The following TNKS variants were observed in gnomAD, a reference collection of about 807,000 sequenced individuals.
The protein encoded by TNKS is poly [ADP-ribose] polymerase tankyrase-1.
Under a neutral mutation model 135.8 loss-of-function variants are expected in TNKS, and 72 were observed. That is an observed-to-expected ratio of 0.53 (90% CI 0.44 to 0.64). The LOEUF (loss-of-function observed/expected upper bound fraction) is 0.64, where lower values mean the gene tolerates loss of function less well. Ranked by LOEUF, TNKS falls within the 30% of genes least tolerant of loss-of-function variation. The pLI is 0.00. For synonymous variants in TNKS, 849 were observed against 649.3 expected (o/e 1.31, Z -4.68); for missense variants, 1,769 against 1,674.0 (o/e 1.06, Z -0.99).
At chr8:9,690,790 A>C (rs1218599180) in intron 5 of TNKS, among the ~76,000 whole-genome samples, 2 of 152,218 alleles carry the variant, frequency 1.3e-5, no homozygotes, top group South Asian at 4.1e-4. Flanking sequence ...TTTAGCTGTT[A>C]AAATGCCTTC....
chr8:9,647,036 A>C (rs1400687889), intron 3 of TNKS, among the ~76,000 whole-genome samples: 1 of 152,178 alleles, frequency 6.6e-6, no homozygotes, highest in Non-Finnish European at 1.5e-5. Flanking sequence ...GCAAAACTCC[A>C]TTTTCTAGCC....
At chr8:9,751,067 A>G (rs555540044) in intron 18 of TNKS, among the ~76,000 whole-genome samples, 1 of 150,626 alleles carries the variant, frequency 6.6e-6, no homozygotes, top group Non-Finnish European at 1.5e-5. Context: ...TTCGGCGGGT[A>G]GGGGGCAGAA....
rs576516934 is a variant in TNKS at position 9,777,196 on chromosome 8, G to GT, written c.*467dup. 0.012 allele frequency: 1,828 copies of GT among 156,012 alleles called. 36 individuals carry two copies. The highest frequency in any genetic ancestry group is 0.041 in the African/African-American group (1,713 of 41,520). The allele number at this position is 156,012 out of a possible 1,614,324, so 9.7% of individuals were successfully genotyped here. Reference sequence around the variant, plus strand: ...ATTGGCTATTGTTTGTTTGTTTTTTGTTTTTTTGTGTTTTTTGGGTTACTT... The same window carrying GT: ...ATTGGCTATTGTTTGTTTGTTTTTTGTTTTTTTTGTGTTTTTTGGGTTACTT... On this transcript the variant is annotated 3_prime_UTR_variant, in exon 27 of 27. Coordinates refer to ENST00000310430, the MANE Select transcript of TNKS (RefSeq NM_003747.3).
chr8:9,767,713 A>G (rs1807543459), intron 25 of TNKS, among the ~76,000 whole-genome samples: 1 of 152,152 alleles, frequency 6.6e-6, no homozygotes, highest in Non-Finnish European at 1.5e-5. Flanking sequence ...TAATCCCAGC[A>G]CTTTGGGAGG....
chr8:9,756,524 G>C (rs1286731402), intron 20 of TNKS, among the ~76,000 whole-genome samples: 2 of 150,920 alleles, frequency 1.3e-5, no homozygotes, highest in African/African-American at 2.4e-5. Flanking sequence ...CTAAGTCAAG[G>C]TTTTAAAAAA....
At chr8:9,713,560 T>C (rs1376723868) in intron 11 of TNKS, among the ~76,000 whole-genome samples, 1 of 152,230 alleles carries the variant, frequency 6.6e-6, no homozygotes, top group Non-Finnish European at 1.5e-5. Flanking sequence ...GTCAATGACT[T>C]AGAAGAACTT....
At chr8:9,643,623 A>C (rs996312937) in intron 3 of TNKS, among the ~76,000 whole-genome samples, 2 of 152,126 alleles carry the variant, frequency 1.3e-5, no homozygotes. Context: ...ATAGAAAATA[A>C]GTATTGGCAA....
chr8:9,752,286 A>G (rs1316842384), intron 19 of TNKS, among the ~76,000 whole-genome samples: 1 of 152,098 alleles, frequency 6.6e-6, no homozygotes, highest in African/African-American at 2.4e-5. Context: ...ATAAATTACA[A>G]TAAGTTATAA....
At position 9,556,550 on chromosome 8, in the gene TNKS, C is replaced by G; in HGVS notation, c.611C>G (p.Ala204Gly). ...DVSRVKRLVD[A>G]ANVNAKDMAG... Reference sequence around the variant, plus strand: ...TCCCGGGTAAAGAGGCTGGTGGACGCGGCAAACGTAAATGCAAAGGACATG... The same window carrying G: ...TCCCGGGTAAAGAGGCTGGTGGACGGGGCAAACGTAAATGCAAAGGACATG... The change falls in exon 1 of 27, where the codon GCG becomes GGG. Residue 204 changes from alanine (A) to glycine (G), a missense_variant. By Grantham distance (60) the Ala-to-Gly change is moderately conservative (BLOSUM62 0). Around this residue, in one of 5 missense-constraint regions of TNKS, gnomAD observed 450 missense variants for 304.9 expected, o/e 1.48. Coordinates refer to ENST00000310430, the MANE Select transcript of TNKS (RefSeq NM_003747.3). 1 of 1,614,116 alleles carries G rather than the reference C, an allele frequency of 6.2e-7. No homozygotes were observed. Among genetic ancestry groups the G allele is most frequent in the Non-Finnish European group, 8.5e-7 (1 of 1,180,034 alleles).
chr8:9,712,531 C>T (rs1804389686), intron 11 of TNKS, among the ~76,000 whole-genome samples: 1 of 152,078 alleles, frequency 6.6e-6, no homozygotes, highest in South Asian at 2.1e-4. Context: ...CCTAATATCA[C>T]AATTTTTATA....
At chr8:9,606,679 A>T (rs1208561290) in intron 2 of TNKS, among the ~76,000 whole-genome samples, 1 of 152,126 alleles carries the variant, frequency 6.6e-6, no homozygotes, top group Admixed American at 6.6e-5. Context: ...CATCTGGGAT[A>T]TGCTGGGTAT....
chr8:9,618,172 A>C (rs1291054565), intron 3 of TNKS, among the ~76,000 whole-genome samples: 1 of 152,072 alleles, frequency 6.6e-6, no homozygotes, highest in East Asian at 1.9e-4. Flanking sequence ...TTTTTAGTAG[A>C]GACGGGGTTT....
At chr8:9,769,219 T>C (rs1807650781) in intron 25 of TNKS, among the ~76,000 whole-genome samples, 1 of 152,210 alleles carries the variant, frequency 6.6e-6, no homozygotes, top group Non-Finnish European at 1.5e-5. Flanking sequence ...GCCAATAAAA[T>C]TGTATTTACA....
intron 13 of TNKS, among the ~76,000 whole-genome samples, chr8:9,729,319 A>G (rs972444748): frequency 6.6e-6 from 1 of 152,164 alleles, no homozygotes; most frequent in African/African-American, 2.4e-5. Context: ...TACTTCCTCT[A>G]TCAGTAGAAA....
intron 3 of TNKS, among the ~76,000 whole-genome samples, chr8:9,628,544 G>A (rs1273107448): frequency 6.6e-6 from 1 of 151,056 alleles, no homozygotes; most frequent in Non-Finnish European, 1.5e-5. Flanking sequence ...TTCATCGATA[G>A]ATCTTTCTCA....
chr8:9,565,567 A>T (rs1223419865), intron 1 of TNKS, among the ~76,000 whole-genome samples: 1 of 152,232 alleles, frequency 6.6e-6, no homozygotes, highest in African/African-American at 2.4e-5. Context: ...TAGTTCAAAA[A>T]TAAACTAAAC....
intron 3 of TNKS, among the ~76,000 whole-genome samples, chr8:9,662,231 C>T (rs1801752022): frequency 6.6e-6 from 1 of 152,170 alleles, no homozygotes; most frequent in South Asian, 2.1e-4. Flanking sequence ...TTGACGCAGC[C>T]ATCCCATTAC....
At chr8:9,677,899 C>G (rs1802613221) in intron 3 of TNKS, among the ~76,000 whole-genome samples, 1 of 152,150 alleles carries the variant, frequency 6.6e-6, no homozygotes, top group African/African-American at 2.4e-5. Flanking sequence ...GCTTCCTTCT[C>G]CCTGACCCTG....
At chr8:9,760,994 T>G (rs189992140) in intron 20 of TNKS, among the ~76,000 whole-genome samples, 1 of 152,370 alleles carries the variant, frequency 6.6e-6, no homozygotes, top group Admixed American at 6.5e-5. Context: ...TCTCACTGCT[T>G]TTTAAGGAAG....
Sources: allele counts gnomAD v4.1 joint callset (sites outside exome capture counted in the v4.1 genomes callset), GRCh38; gene constraint gnomAD v4.1.1; regional missense constraint gnomAD v4.1.1; transcripts MANE v1.5; gene names NCBI Gene and HGNC (gene_info 2026-07-23, HGNC 2026-07-21).